Variants in PALLD observed in about 807,000 individuals in gnomAD.
PALLD encodes palladin, cytoskeletal associated protein, also known as palladin.
PALLD carries 61 observed loss-of-function variants against 123.5 expected under a neutral mutation model. The ratio of observed to expected loss-of-function variants is 0.49; its 90% confidence interval spans 0.40 to 0.61. The LOEUF (loss-of-function observed/expected upper bound fraction) is 0.61. Among genes scored for constraint, PALLD ranks in the 20% least tolerant of loss-of-function variants. PALLD has a pLI of 0.00. For synonymous variants in PALLD, 465 were observed against 496.4 expected, an observed-to-expected ratio of 0.94 and a Z score of 0.84; for missense variants, 1,273 against 1,377.0, an observed-to-expected ratio of 0.92 and a Z score of 1.20.
intron 2 of PALLD, among the ~76,000 whole-genome samples, chr4:168,665,518 G>A (rs530651024): frequency 9.9e-5 from 15 of 152,088 alleles, no homozygotes; most frequent in East Asian, 1.9e-4. Context: ...AGCTGAGATC[G>A]CGCCACTGCA....
chr4:168,677,833 G>T (rs1053435782), intron 3 of PALLD: 3 of 150,800 alleles, frequency 2.0e-5, no homozygotes, highest in Non-Finnish European at 4.4e-5. Context: ...AGTTAATCCT[G>T]CACACTGACT....
intron 2 of PALLD, among the ~76,000 whole-genome samples, chr4:168,635,266 T>C (rs1370900514): frequency 6.6e-6 from 1 of 152,218 alleles, no homozygotes; most frequent in African/African-American, 2.4e-5. Flanking sequence ...AAATAAAGCA[T>C]GGTCGATCTT....
At chr4:168,864,793 T>C (rs1750024696) in intron 10 of PALLD, among the ~76,000 whole-genome samples, 1 of 152,238 alleles carries the variant, frequency 6.6e-6, no homozygotes, top group South Asian at 2.1e-4. Context: ...AGTATTCTTC[T>C]TTTGAAAAGC....
chr4:168,504,624 G>T (rs554515958), intron 1 of PALLD, among the ~76,000 whole-genome samples: 1 of 150,958 alleles, frequency 6.6e-6, no homozygotes, highest in Admixed American at 6.6e-5. Context: ...TGTGGCTAAT[G>T]AGCGTTTTAG....
intron 2 of PALLD, chr4:168,647,972 C>T (rs1172878029): frequency 2.0e-5 from 3 of 151,954 alleles, no homozygotes; most frequent in Non-Finnish European, 2.9e-5. Flanking sequence ...AATTTGCAAA[C>T]GTAAAGCAAG....
intron 13 of PALLD, chr4:168,898,254 T>C (rs1304442490): frequency 3.7e-6 from 2 of 544,642 alleles, no homozygotes; most frequent in East Asian, 6.3e-5. Flanking sequence ...GAAAAAAAAA[T>C]TCATCTTTCC....
rs149022594 is a variant in PALLD at position 168,750,227 on chromosome 4, G to A, written c.1964+38304G>A. ...CTCCCAAAGTGCTGGGATTACAGGC[G>A]TGAACCAATGCGCCTGGCCAGTTTC... On this transcript the variant is annotated intron_variant, in intron 10 of 21. Coordinates refer to ENST00000505667, the MANE Select transcript of PALLD (RefSeq NM_001166108.2). Among the ~76,000 whole-genome samples, 145 of 152,272 alleles carry A rather than the reference G, an allele frequency of 9.5e-4. 3 individuals are homozygous for A. The East Asian group carries it at 0.022, about 23-fold the overall frequency.
At chr4:168,903,452 T>C (rs1490274150) in intron 14 of PALLD, among the ~76,000 whole-genome samples, 1 of 152,154 alleles carries the variant, frequency 6.6e-6, no homozygotes, top group Non-Finnish European at 1.5e-5. Context: ...CATGAAGTAA[T>C]GCCACTTCAT....
chr4:168,901,855 T>C (rs1429915241), intron 14 of PALLD, among the ~76,000 whole-genome samples: 1 of 152,098 alleles, frequency 6.6e-6, no homozygotes, highest in Non-Finnish European at 1.5e-5. Context: ...GCTAGACTCA[T>C]CTAAAAAAAG....
chr4:168,513,874 G>A (rs1191008123), intron 2 of PALLD, among the ~76,000 whole-genome samples: 1 of 152,132 alleles, frequency 6.6e-6, no homozygotes, highest in African/African-American at 2.4e-5. Flanking sequence ...GGAGATTGAG[G>A]TGGGTAGATC....
intron 10 of PALLD, among the ~76,000 whole-genome samples, chr4:168,746,016 C>T (rs1186188121): frequency 3.9e-5 from 6 of 152,096 alleles, no homozygotes; most frequent in Admixed American, 1.3e-4. Flanking sequence ...ACACAAAGGT[C>T]GGGAAATCAT....
intron 2 of PALLD, among the ~76,000 whole-genome samples, chr4:168,520,343 A>G (rs1174352591): frequency 1.2e-4 from 7 of 57,574 alleles, no homozygotes; most frequent in African/African-American, 2.4e-4. Flanking sequence ...AAAAAAAAAA[A>G]AAAAAGAGAG....
At chr4:168,575,472 C>A (rs1769469086) in intron 2 of PALLD, among the ~76,000 whole-genome samples, 1 of 152,088 alleles carries the variant, frequency 6.6e-6, no homozygotes, top group African/African-American at 2.4e-5. Context: ...CCCCATGATC[C>A]AATCATCTCC....
intron 2 of PALLD, among the ~76,000 whole-genome samples, chr4:168,552,150 G>C (rs2149542133): frequency 6.6e-6 from 1 of 152,250 alleles, no homozygotes; most frequent in Admixed American, 6.5e-5. Flanking sequence ...AGTCACCCAA[G>C]TTGACTCAGC....
chr4:168,877,703 A>G (rs1560837178), intron 10 of PALLD: 1 of 1,111,462 alleles, frequency 9.0e-7, no homozygotes, highest in Non-Finnish European at 1.1e-6. Flanking sequence ...TGAAGGTGTC[A>G]CTTCTCTTTT....
chr4:168,776,405 TA>T (rs1333217272), intron 10 of PALLD, among the ~76,000 whole-genome samples: 4 of 152,244 alleles, frequency 2.6e-5, no homozygotes, highest in African/African-American at 9.6e-5. Flanking sequence ...GTAGCATTTT[TA>T]TAGATTCCAT....
Position 168,675,170 on chromosome 4 carries a change from G to T in PALLD, c.1088-6162G>T, listed in dbSNP as rs138085597. ...GAATAGCTTTATGAGCTCCGAAGAG[G>T]GCAAGATGGTGGCCCTGAAATGTGG... On this transcript the variant is annotated intron_variant, in intron 3 of 21. Coordinates refer to ENST00000505667, the MANE Select transcript of PALLD (RefSeq NM_001166108.2). Among the ~76,000 whole-genome samples, 112 of 152,316 alleles carry T rather than the reference G, an allele frequency of 7.4e-4. No homozygotes were observed. The East Asian group carries it at 0.017, about 24-fold the overall frequency.
intron 8 of PALLD, among the ~76,000 whole-genome samples, chr4:168,702,996 G>T (rs1783834191): frequency 7.0e-6 from 1 of 143,016 alleles, no homozygotes. Flanking sequence ...CCATGCTGGT[G>T]CGCTGCACCC....
At position 168,670,774 on chromosome 4, in the gene PALLD, A is replaced by C. The variant is rs1198778309; in HGVS notation, c.1087+2406A>C. Among the ~76,000 whole-genome samples, 30 of 54,650 alleles carry C rather than the reference A, an allele frequency of 5.5e-4. 1 individual carries two copies. The highest frequency in any genetic ancestry group is 1.8e-3 in the South Asian group (4 of 2,200). 35.9% of individuals were successfully genotyped at this position (54,650 alleles called of 152,430 possible). On this transcript the variant is annotated intron_variant, in intron 3 of 21. Transcript: ENST00000505667. ...AAAAAAACAAAAAAAACAAAAAAAAACAAAAAAAAAAAAACAAAAAAAACA... is the reference window on the plus strand; with the variant it reads ...AAAAAAACAAAAAAAACAAAAAAAACCAAAAAAAAAAAAACAAAAAAAACA...
Sources: gnomAD v4.1 joint callset for allele counts (sites outside exome capture counted in the v4.1 genomes callset) on GRCh38, gnomAD v4.1.1 for gene constraint, MANE v1.5 for transcripts, NCBI Gene and HGNC (gene_info 2026-07-23, HGNC 2026-07-21) for gene names.